The following GPCPD1 variants were observed in gnomAD, a reference collection of about 807,000 sequenced individuals.
GPCPD1 encodes glycerophosphocholine phosphodiesterase 1.
A neutral mutation model predicts 89.2 loss-of-function variants in GPCPD1; 29 were observed. That is an observed-to-expected ratio of 0.33 (90% CI 0.24 to 0.44). GPCPD1 has a LOEUF of 0.44. Among genes scored for constraint, GPCPD1 ranks in the 20% least tolerant of loss-of-function variants. GPCPD1 has a pLI of 1.00. For synonymous variants in GPCPD1, 258 were observed against 266.3 expected, an observed-to-expected ratio of 0.97 and a Z score of 0.30; for missense variants, 594 against 808.9, an observed-to-expected ratio of 0.73 and a Z score of 3.22.
rs987708048 is a variant in GPCPD1, at chr20:5,546,560, C to T, written c.*1101G>A. 6.6e-6 allele frequency: 1 copy of T among 152,156 alleles called. No individual in the cohort carries two copies. Among genetic ancestry groups the T allele is most frequent in the Non-Finnish European group, 1.5e-5 (1 of 68,036 alleles). 9.4% of individuals were successfully genotyped at this position (152,156 alleles called of 1,614,324 possible). On this transcript the variant is annotated 3_prime_UTR_variant, in exon 20 of 20. Coordinates refer to ENST00000379019, the MANE Select transcript of GPCPD1 (RefSeq NM_019593.5). ...CTAATCCAAGAAATCCTAGTATAATCTGAAATACATGCATATACATTTAGT... is the reference window on the plus strand; with the variant it reads ...CTAATCCAAGAAATCCTAGTATAATTTGAAATACATGCATATACATTTAGT...
At chr20:5,565,227 C>CTT (rs200724429) in intron 14 of GPCPD1, 149 bp from the exon 15 acceptor site, 181 of 485,906 alleles carry the variant, frequency 3.7e-4, no homozygotes, top group South Asian at 8.4e-4. Flanking sequence ...TCTGAGATCC[C>CTT]TTTTTTTTTT....
At chr20:5,568,916 A>T (rs1360709367) in intron 12 of GPCPD1, among the ~76,000 whole-genome samples, 1 of 152,152 alleles carries the variant, frequency 6.6e-6, no homozygotes, top group Non-Finnish European at 1.5e-5. Context: ...TCAAATAAAT[A>T]AATAAATAAA....
intron 16 of GPCPD1, among the ~76,000 whole-genome samples, chr20:5,560,864 TTCTC>T (rs1016142508): frequency 9.8e-5 from 15 of 152,322 alleles, no homozygotes; most frequent in African/African-American, 3.6e-4. Flanking sequence ...TCTGCACATA[TTCTC>T]TCTGATATAT....
intron 1 of GPCPD1, among the ~76,000 whole-genome samples, chr20:5,604,681 T>A (rs879876188): frequency 2.8e-5 from 4 of 141,994 alleles, no homozygotes; most frequent in Non-Finnish European, 4.5e-5. Context: ...GCCTCATGCC[T>A]GTAATACAAA....
intron 19 of GPCPD1, among the ~76,000 whole-genome samples, chr20:5,556,203 T>C (rs1422410220): frequency 6.6e-6 from 1 of 152,200 alleles, no homozygotes; most frequent in Admixed American, 6.5e-5. Flanking sequence ...AACTACAATG[T>C]AGTATAAACA....
At chr20:5,586,687 A>T (rs965088806) in intron 4 of GPCPD1, among the ~76,000 whole-genome samples, 1 of 152,230 alleles carries the variant, frequency 6.6e-6, no homozygotes, top group Non-Finnish European at 1.5e-5. Context: ...ATTTAGAAAA[A>T]GCCTAAACAA....
intron 3 of GPCPD1, among the ~76,000 whole-genome samples, chr20:5,595,731 C>A (rs1353316217): frequency 5.9e-5 from 9 of 151,570 alleles, no homozygotes; most frequent in African/African-American, 2.2e-4. Flanking sequence ...GAATCCTTTT[C>A]AACAGAGGTT....
rs1253660637 is a variant in GPCPD1, at chr20:5,544,722, T to C, written c.*2939A>G. ...TCTGGGTTTTTTCCCAGCTACAACA[T>C]TAAATAGTAAGACTGAGAGGCTGTC... On this transcript the variant is annotated 3_prime_UTR_variant, in exon 20 of 20. Coordinates refer to ENST00000379019, the MANE Select transcript of GPCPD1 (RefSeq NM_019593.5). 1 of 152,158 alleles carries C rather than the reference T, an allele frequency of 6.6e-6. No homozygotes were observed. Among genetic ancestry groups the C allele is most frequent in the African/African-American group, 2.4e-5 (1 of 41,434 alleles). The allele number at this position is 152,158 out of a possible 1,614,324, so 9.4% of individuals were successfully genotyped here. A position where few individuals can be genotyped will look rare whatever the true frequency, so the allele number is the denominator to read the frequency against.
At chr20:5,566,993 CTTCACTAGATA>C (rs1986425889) in intron 13 of GPCPD1, among the ~76,000 whole-genome samples, 1 of 152,052 alleles carries the variant, frequency 6.6e-6, no homozygotes, top group South Asian at 2.1e-4. Flanking sequence ...TATAAAAATT[CTTCACTAGATA>C]ACTGTTAATA....
intron 15 of GPCPD1, among the ~76,000 whole-genome samples, chr20:5,562,860 C>T (rs555353923): frequency 6.6e-6 from 1 of 152,198 alleles, no homozygotes; most frequent in East Asian, 1.9e-4. Flanking sequence ...CATATTTTTG[C>T]TGGACTAATG....
intron 2 of GPCPD1, among the ~76,000 whole-genome samples, chr20:5,601,495 A>T (rs1182195407): frequency 6.7e-6 from 1 of 150,218 alleles, no homozygotes; most frequent in Non-Finnish European, 1.5e-5. Flanking sequence ...CAGCCTCCCG[A>T]GTAGCTGGGA....
chr20:5,563,295 T>C (rs1359060284), intron 15 of GPCPD1, among the ~76,000 whole-genome samples: 2 of 151,730 alleles, frequency 1.3e-5, no homozygotes, highest in Admixed American at 6.6e-5. Context: ...TCTTTGTGAT[T>C]GAATTATAAT....
At chr20:5,575,757 T>G in intron 9 of GPCPD1, 59 bp downstream of exon 9, 1 of 1,140,906 alleles carries the variant, frequency 8.8e-7, no homozygotes, top group Admixed American at 2.0e-5. Context: ...ATACTTAATT[T>G]GAAACTAATT....
rs774827192 is a variant in GPCPD1, at chr20:5,598,750, G to T, written c.121C>A (p.Leu41Ile). Residue 41 changes from leucine to isoleucine, a missense_variant, in exon 3 of 20, where the codon CTT (leucine) becomes ATT (isoleucine). Physicochemically the swap from Leu to Ile is conservative, Grantham distance 5. Coordinates refer to ENST00000379019, the MANE Select transcript of GPCPD1 (RefSeq NM_019593.5). Reference sequence around the variant, plus strand: ...CTTTCACCTGTGTCATTCTCTGGAAGAAGAGCCACAGCATTTTGAGGATTC... The same window carrying T: ...CTTTCACCTGTGTCATTCTCTGGAATAAGAGCCACAGCATTTTGAGGATTC... ...NWNPQNAVAL[L>I]PENDTGESML... The T allele has an allele frequency of 6.5e-5, 105 of 1,609,994 alleles. No homozygotes were observed. Among genetic ancestry groups the T allele is most frequent in the Non-Finnish European group, 8.3e-5 (98 of 1,176,376 alleles).
chr20:5,602,489 A>G (rs1283079672), intron 2 of GPCPD1, among the ~76,000 whole-genome samples: 1 of 152,238 alleles, frequency 6.6e-6, no homozygotes, highest in African/African-American at 2.4e-5. Flanking sequence ...CCAGGGGTAG[A>G]ACTATACCAG....
intron 15 of GPCPD1, among the ~76,000 whole-genome samples, chr20:5,561,993 T>A (rs961457362): frequency 3.3e-5 from 5 of 152,206 alleles, no homozygotes; most frequent in Admixed American, 2.6e-4. Context: ...ACAAATCCCA[T>A]AACTTCCTGA....
At chr20:5,592,676 T>C (rs1406741325) in intron 4 of GPCPD1, among the ~76,000 whole-genome samples, 1 of 152,210 alleles carries the variant, frequency 6.6e-6, no homozygotes, top group Non-Finnish European at 1.5e-5. Flanking sequence ...TGTAAAAGTC[T>C]GAAGGAAAAG....
chr20:5,604,614 G>C (rs1177283898), intron 1 of GPCPD1, among the ~76,000 whole-genome samples, 174 bp from the exon 2 acceptor site: 1 of 75,980 alleles, frequency 1.3e-5, no homozygotes, highest in Non-Finnish European at 2.5e-5. Context: ...TTTAGTGCGG[G>C]GGGGGGGGGG....
rs1330245538 is a variant in GPCPD1, at chr20:5,575,257, A to G, written c.1001+156T>C. 2.0e-5 allele frequency among the ~76,000 whole-genome samples: 3 copies of G among 152,328 alleles called. No individual in the cohort carries two copies. In the East Asian group the frequency reaches 5.8e-4, roughly 29 times the overall value. The stretch of plus-strand genomic sequence containing the variant: ...GTAGATATATTAAAAAACTGACCAG[A>G]ATCTTAAGGTTGGTCTCTAACCCCA... On this transcript the variant is annotated intron_variant, in intron 10 of 19. Transcript: ENST00000379019.
Sources: gnomAD v4.1 joint callset for allele counts (sites outside exome capture counted in the v4.1 genomes callset) on GRCh38, gnomAD v4.1.1 for gene constraint, MANE v1.5 for transcripts, NCBI Gene and HGNC (gene_info 2026-07-23, HGNC 2026-07-21) for gene names.